ERI1: variants seen among roughly 807,000 people sequenced by gnomAD.
ERI1 encodes the protein 3'-5' exoribonuclease 1.
A neutral mutation model predicts 39.7 loss-of-function variants in ERI1; 39 were observed. The observed-to-expected ratio is 0.98, with a 90% CI of 0.76 to 1.28. The LOEUF (loss-of-function observed/expected upper bound fraction) is 1.28, where lower values mean the gene tolerates loss of function less well. ERI1 is among the 50% of genes most tolerant of loss of function. ERI1 has a pLI of 0.00. For synonymous variants in ERI1, 204 were observed against 149.6 expected, an observed-to-expected ratio of 1.36 and a Z score of -2.65; for missense variants, 581 against 416.9, an observed-to-expected ratio of 1.39 and a Z score of -3.43.
At chr8:9,068,607 C>A (rs1438653733) in intron 3 of ERI1, among the ~76,000 whole-genome samples, 1 of 152,090 alleles carries the variant, frequency 6.6e-6, no homozygotes, top group Non-Finnish European at 1.5e-5. Flanking sequence ...TCCTCCCTCG[C>A]CTTTAGGGTC....
chr8:9,063,349 A>C (rs1217313268), intron 3 of ERI1, among the ~76,000 whole-genome samples: 1 of 152,156 alleles, frequency 6.6e-6, no homozygotes, highest in Non-Finnish European at 1.5e-5. Context: ...AACCTTGACT[A>C]TGCCTTTAGC....
rs1019611301 is a variant in ERI1 at position 9,066,707 on chromosome 8, A to T, written n.299+46243A>T. On this transcript the variant is annotated intron_variant and non_coding_transcript_variant, in intron 3 of 3. Transcript: ENST00000518663. ...TTAAGTATTCTATTTTCTTACCTGA[A>T]ATTTAAAAGAAAGGAAGAAATAAGA... 7.9e-5 allele frequency among the ~76,000 whole-genome samples: 12 copies of T among 152,314 alleles called. No homozygotes were observed. In the East Asian group the frequency reaches 2.1e-3, roughly 27 times the overall value.
In ERI1 at chr8:9,030,946, G is replaced by C. The variant is rs1797545668; in HGVS notation, c.*912G>C. On this transcript the variant is annotated 3_prime_UTR_variant, in exon 7 of 7. Coordinates refer to ENST00000250263, the MANE Select transcript of ERI1 (RefSeq NM_153332.4). ...TATTAAAAAACTTCATTGGCCACTA[G>C]TGAAGTTAGTCAATAAAAGACTTGT... The C allele has an allele frequency of 6.6e-6, 1 of 152,130 alleles. No homozygotes were observed. Among genetic ancestry groups the C allele is most frequent in the Admixed American group, 6.5e-5 (1 of 15,284 alleles). The allele number at this position is 152,130 out of a possible 1,614,324, so 9.4% of individuals were successfully genotyped here. A position where few individuals can be genotyped will look rare whatever the true frequency, so the allele number is the denominator to read the frequency against.
chr8:9,033,538 G>A (rs1302593822), downstream of ERI1, among the ~76,000 whole-genome samples: 2 of 149,622 alleles, frequency 1.3e-5, no homozygotes, highest in Non-Finnish European at 3.0e-5. Context: ...CAAGAAATGC[G>A]ACTGTGATGA....
In ERI1 at chr8:9,029,799, G is replaced by A. The variant is rs750092099; in HGVS notation, c.815G>A (p.Arg272Lys). 15 of 1,613,952 alleles carry A rather than the reference G, an allele frequency of 9.3e-6. No homozygotes were observed. The African/African-American group carries it at 1.9e-4, about 20-fold the overall frequency. Residue 272 changes from arginine to lysine, a missense_variant, in exon 7 of 7, where the codon AGA becomes AAA. Physicochemically the swap from Arg to Lys is conservative, Grantham distance 26. Transcript: ENST00000250263. Reference sequence around the variant, plus strand: ...AAGCTGTTTATTTTTCAGGTTCCTAGAAGCCAAACCAAACTGACAATAATG... The same window carrying A: ...AAGCTGTTTATTTTTCAGGTTCCTAAAAGCCAAACCAAACTGACAATAATG... ...KSYGNFYKVP[R>K]SQTKLTIMLE...
At chr8:9,011,190 G>A (rs1816627481) in intron 2 of ERI1, among the ~76,000 whole-genome samples, 1 of 152,078 alleles carries the variant, frequency 6.6e-6, no homozygotes, top group African/African-American at 2.4e-5. Flanking sequence ...TTCAATGTTT[G>A]TATCATATAT....
At chr8:9,005,259 A>G (rs1326100998) in intron 1 of ERI1, among the ~76,000 whole-genome samples, 1 of 152,180 alleles carries the variant, frequency 6.6e-6, no homozygotes, top group East Asian at 1.9e-4. Context: ...GCAGAATAAT[A>G]GCATTTCCAG....
At chr8:9,042,390 C>G (rs1469093244) in intron 3 of ERI1, among the ~76,000 whole-genome samples, 1 of 152,138 alleles carries the variant, frequency 6.6e-6, no homozygotes, top group African/African-American at 2.4e-5. Flanking sequence ...ATAGGTGTCA[C>G]CAGCGTTTTA....
At chr8:9,048,035 C>A (rs754976467) in intron 3 of ERI1, among the ~76,000 whole-genome samples, 1 of 152,210 alleles carries the variant, frequency 6.6e-6, no homozygotes, top group African/African-American at 2.4e-5. Context: ...AGTGGGAAAG[C>A]CAGGACTTGA....
In ERI1 at chr8:9,061,635, A is replaced by G. The variant is rs564418061; in HGVS notation, n.299+41171A>G. Among the ~76,000 whole-genome samples the G allele has an allele frequency of 3.9e-5, 6 of 152,330 alleles. No individual in the cohort carries two copies. In the South Asian group the frequency reaches 1.2e-3, roughly 32 times the overall value. The stretch of plus-strand genomic sequence containing the variant: ...TGTAAGAATTCTGACCGCACTAACC[A>G]TGCCTGGGAAGGAAAGGAGTTGTTG... On this transcript the variant is annotated intron_variant and non_coding_transcript_variant, in intron 3 of 3. Coordinates refer to the ERI1 transcript ENST00000518663.
chr8:9,058,292 C>T (rs1275135635), intron 3 of ERI1, among the ~76,000 whole-genome samples: 3 of 152,144 alleles, frequency 2.0e-5, no homozygotes, highest in African/African-American at 4.8e-5. Flanking sequence ...GGTGGAGCCA[C>T]GGGCAGTTTC....
chr8:9,074,529 C>A (rs1799148210), intron 3 of ERI1, among the ~76,000 whole-genome samples: 1 of 152,116 alleles, frequency 6.6e-6, no homozygotes, highest in African/African-American at 2.4e-5. Flanking sequence ...GCAGCCTTGA[C>A]CTCCTGGGCT....
chr8:9,011,611 G>C lies in ERI1; in HGVS notation c.357G>C (p.Glu119Asp). Residue 119 changes from glutamate to aspartate, a missense_variant, in exon 3 of 7, where the codon GAG becomes GAC. By Grantham distance (45) the Glu-to-Asp change is conservative (BLOSUM62 2). Transcript: ENST00000250263. The stretch of plus-strand genomic sequence containing the variant: ...AGAAGCAGAAGCTGATGCTGAAAGA[G>C]AGCAATTTTGCTGACAGTTATTATG... ...YYKKQKLMLK[E>D]SNFADSYYDY... 1 of 1,613,526 alleles carries C rather than the reference G, an allele frequency of 6.2e-7. No individual in the cohort carries two copies. Among genetic ancestry groups the C allele is most frequent in the Non-Finnish European group, 8.5e-7 (1 of 1,179,638 alleles).
In ERI1 at chr8:9,039,979, T is replaced by G. The variant is rs138684138; in HGVS notation, n.299+19515T>G. The stretch of plus-strand genomic sequence containing the variant: ...TGATAGTCCTGAAAATTATTCCAAG[T>G]ACAATTAAAATATTCAGCATCACTA... On this transcript the variant is annotated intron_variant and non_coding_transcript_variant, in intron 3 of 3. Transcript: ENST00000518663. Among the ~76,000 whole-genome samples, 529 of 152,362 alleles carry G rather than the reference T, an allele frequency of 3.5e-3. 2 individuals are homozygous for G. Among genetic ancestry groups the G allele is most frequent in the Non-Finnish European group, 5.2e-3 (356 of 68,036 alleles).
chr8:9,045,408 C>T (rs1051894013), intron 3 of ERI1, among the ~76,000 whole-genome samples: 1 of 152,080 alleles, frequency 6.6e-6, no homozygotes, highest in Non-Finnish European at 1.5e-5. Context: ...ATAGGTCTAG[C>T]CTCCACGAAT....
chr8:9,037,970 C>T (rs1797905174), downstream of ERI1, among the ~76,000 whole-genome samples: 1 of 150,924 alleles, frequency 6.6e-6, no homozygotes, highest in Non-Finnish European at 1.5e-5. Flanking sequence ...CTGTGTTGAG[C>T]ACTGATTTTT....
chr8:9,073,478 G>A (rs956912207), intron 3 of ERI1, among the ~76,000 whole-genome samples: 1 of 152,204 alleles, frequency 6.6e-6, no homozygotes, highest in Admixed American at 6.5e-5. Flanking sequence ...AAGGAGATCA[G>A]TGAAGTAAGA....
chr8:9,054,709 G>A (rs1396751822), intron 3 of ERI1, among the ~76,000 whole-genome samples: 2 of 152,252 alleles, frequency 1.3e-5, no homozygotes, highest in Non-Finnish European at 2.9e-5. Flanking sequence ...CAGATCACTT[G>A]AGGCCAAGAG....
intron 1 of ERI1, among the ~76,000 whole-genome samples, chr8:9,005,514 G>GTTTTTTTTTT (rs60847461): frequency 7.6e-6 from 1 of 130,818 alleles, no homozygotes. Context: ...GTTTTTTTAT[G>GTTTTTTTTTT]TTTTTTTTTT....
Sources: allele counts gnomAD v4.1 joint callset (sites outside exome capture counted in the v4.1 genomes callset), GRCh38; gene constraint gnomAD v4.1.1; transcripts MANE v1.5; gene names NCBI Gene and HGNC (gene_info 2026-07-23, HGNC 2026-07-21).